PTDSS1: variants seen among roughly 807,000 people sequenced by gnomAD.
PTDSS1 encodes phosphatidylserine synthase 1, also known as PSS-1.
A neutral mutation model predicts 70.5 loss-of-function variants in PTDSS1; 45 were observed. That is an observed-to-expected ratio of 0.64 (90% CI 0.50 to 0.82). PTDSS1 has a LOEUF of 0.82. Ranked by LOEUF, PTDSS1 falls within the 40% of genes least tolerant of loss-of-function variation. The pLI is 0.00. For synonymous variants in PTDSS1, 188 were observed against 203.8 expected, an observed-to-expected ratio of 0.92 and a Z score of 0.66; for missense variants, 417 against 586.1, an observed-to-expected ratio of 0.71 and a Z score of 2.98.
Position 96,284,108 on chromosome 8 carries a change from G to A in PTDSS1, c.272-1G>A. The A allele has an allele frequency of 3.1e-6, 5 of 1,608,332 alleles. No homozygotes were observed. The highest frequency in any genetic ancestry group is 4.3e-6 in the Non-Finnish European group (5 of 1,175,506). ...AACTTTATAATGTTATTTATCTGCA[G>A]GTCCGTTCACTCGACCTCATCCAGC... On this transcript the variant is annotated splice_acceptor_variant, in intron 2 of 12. Transcript: ENST00000517309. LOFTEE classifies it high-confidence loss of function.
chr8:96,277,925 G>A (rs750120779), intron 2 of PTDSS1, among the ~76,000 whole-genome samples: 18 of 152,220 alleles, frequency 1.2e-4, no homozygotes, highest in African/African-American at 4.1e-4. Flanking sequence ...AAGGAAATTC[G>A]TTATTTTCTT....
chr8:96,261,939 C>G lies in PTDSS1; in HGVS notation c.-102C>G, dbSNP rs569060519. On this transcript the variant is annotated 5_prime_UTR_variant, in exon 1 of 13. Transcript: ENST00000517309. ...AGCCTTTGCTGGGCGCCAGACCCGG[C>G]TTTGCCGTCCGGCTATTAGCCTACT... The G allele has an allele frequency of 7.1e-5, 91 of 1,282,066 alleles. No homozygotes were observed. The highest frequency in any genetic ancestry group is 9.5e-5 in the Non-Finnish European group (89 of 939,714). The allele number at this position is 1,282,066 out of a possible 1,614,324, so 79.4% of individuals were successfully genotyped here.
intron 10 of PTDSS1, among the ~76,000 whole-genome samples, chr8:96,329,918 G>A (rs772425388): frequency 1.6e-4 from 24 of 152,162 alleles, no homozygotes; most frequent in Admixed American, 3.9e-4. Context: ...AACAGAACCC[G>A]CAAAGCTATC....
Position 96,320,348 on chromosome 8 carries a change from A to G in PTDSS1, c.1173+3A>G. 2 of 1,594,388 alleles carry G rather than the reference A, an allele frequency of 1.3e-6. No homozygotes were observed. Among genetic ancestry groups the G allele is most frequent in the East Asian group, 4.5e-5 (2 of 44,782 alleles). ...TTGTGCTTTGGCTTCTTTGCGTGGT[A>G]AGTCACTGCATTTTACCCAAAGGCA... On this transcript the variant is annotated splice_donor_region_variant and intron_variant, in intron 10 of 12. Transcript: ENST00000517309.
chr8:96,313,102 G>A (rs1811235463), intron 9 of PTDSS1, among the ~76,000 whole-genome samples: 1 of 152,094 alleles, frequency 6.6e-6, no homozygotes, highest in Admixed American at 6.6e-5. Context: ...ACCCGCCTGG[G>A]GTTCTTTCCC....
chr8:96,289,840 T>A (rs1453706914), intron 4 of PTDSS1, among the ~76,000 whole-genome samples: 1 of 152,200 alleles, frequency 6.6e-6, no homozygotes. Flanking sequence ...AAAATAAGAA[T>A]GCCAGAAATT....
rs1231129731 is a variant in PTDSS1 at position 96,262,280 on chromosome 8, G to C, written c.179+61G>C. On this transcript the variant is annotated intron_variant, in intron 1 of 12. Transcript: ENST00000517309. The surrounding 1 kb of genome is among the most constrained non-coding windows in gnomAD (Gnocchi z 4.4). Reference sequence around the variant, plus strand: ...GGGCTAGGGAAGAGGCGGGAGGGAGGGTGGCGGGGAGGGGGGCCCGGCATG... The same window carrying C: ...GGGCTAGGGAAGAGGCGGGAGGGAGCGTGGCGGGGAGGGGGGCCCGGCATG... The C allele has an allele frequency of 6.7e-7, 1 of 1,500,508 alleles. No individual in the cohort carries two copies. Among genetic ancestry groups the C allele is most frequent in the Non-Finnish European group, 9.1e-7 (1 of 1,096,112 alleles). 92.9% of individuals were successfully genotyped at this position (1,500,508 alleles called of 1,614,324 possible). A position where few individuals can be genotyped will look rare whatever the true frequency, so the allele number is the denominator to read the frequency against.
At chr8:96,283,040 A>G (rs956503581) in intron 2 of PTDSS1, among the ~76,000 whole-genome samples, 14 of 152,192 alleles carry the variant, frequency 9.2e-5, no homozygotes, top group Non-Finnish European at 1.6e-4. Flanking sequence ...CACTTCTGCA[A>G]TGGATTCTAA....
At chr8:96,300,679 A>AT in intron 6 of PTDSS1, among the ~76,000 whole-genome samples, 1 of 152,326 alleles carries the variant, frequency 6.6e-6, no homozygotes, top group Admixed American at 6.5e-5. Context: ...ACAAAATAGC[A>AT]TTTTCCCACA....
chr8:96,301,373 G>A (rs1022671563), intron 6 of PTDSS1, among the ~76,000 whole-genome samples: 2 of 152,158 alleles, frequency 1.3e-5, no homozygotes, highest in African/African-American at 4.8e-5. Context: ...GGGATTACAG[G>A]CGTGAGCCAC....
chr8:96,304,345 G>T (rs1811094620), intron 7 of PTDSS1, among the ~76,000 whole-genome samples, 164 bp downstream of exon 7: 1 of 152,220 alleles, frequency 6.6e-6, no homozygotes, highest in African/African-American at 2.4e-5. Context: ...AAGTGATGTT[G>T]TTATGCCTAA....
At chr8:96,280,382 C>G (rs1345739712) in intron 2 of PTDSS1, among the ~76,000 whole-genome samples, 2 of 151,804 alleles carry the variant, frequency 1.3e-5, no homozygotes, top group East Asian at 3.9e-4. Flanking sequence ...ATTAGCTGGG[C>G]GTGGTGGCAC....
intron 1 of PTDSS1, among the ~76,000 whole-genome samples, chr8:96,273,085 T>C (rs1448058009): frequency 6.6e-6 from 1 of 152,222 alleles, no homozygotes; most frequent in Non-Finnish European, 1.5e-5. Flanking sequence ...GTCTGTGAAA[T>C]TAACAGTCAG....
chr8:96,273,145 T>C (rs1810589871), intron 1 of PTDSS1, among the ~76,000 whole-genome samples, 154 bp from the exon 2 acceptor site: 1 of 152,230 alleles, frequency 6.6e-6, no homozygotes, highest in Non-Finnish European at 1.5e-5. Flanking sequence ...AGAATTATTG[T>C]ATGATCTGTA....
intron 10 of PTDSS1, among the ~76,000 whole-genome samples, chr8:96,326,555 C>A (rs914113862): frequency 6.6e-6 from 1 of 152,170 alleles, no homozygotes; most frequent in Non-Finnish European, 1.5e-5. Flanking sequence ...GGGGGGCAAA[C>A]ATACAAAGAC....
chr8:96,272,971 A>T (rs1351797455), intron 1 of PTDSS1, among the ~76,000 whole-genome samples: 3 of 152,200 alleles, frequency 2.0e-5, no homozygotes, highest in Non-Finnish European at 4.4e-5. Context: ...TGAGGGCCAC[A>T]TTTATAACCT....
chr8:96,332,999 C>T (rs1452040617), intron 12 of PTDSS1, among the ~76,000 whole-genome samples: 1 of 152,224 alleles, frequency 6.6e-6, no homozygotes, highest in Non-Finnish European at 1.5e-5. Context: ...TGTGAAATAG[C>T]TCTGATTTTA....
chr8:96,326,692 C>G (rs1442814351), intron 10 of PTDSS1, among the ~76,000 whole-genome samples: 2 of 152,196 alleles, frequency 1.3e-5, no homozygotes, highest in East Asian at 3.9e-4. Context: ...GCTGTAGTTG[C>G]AGCCCCAGCA....
intron 10 of PTDSS1, among the ~76,000 whole-genome samples, chr8:96,323,456 C>G (rs999676726): frequency 3.9e-5 from 6 of 152,188 alleles, no homozygotes; most frequent in African/African-American, 1.4e-4. Context: ...TGCATACCTG[C>G]AGAATTAACA....
Sources: allele counts gnomAD v4.1 joint callset (sites outside exome capture counted in the v4.1 genomes callset), GRCh38; gene constraint gnomAD v4.1.1; non-coding constraint Gnocchi (gnomAD v3.1); transcripts MANE v1.5; gene names NCBI Gene and HGNC (gene_info 2026-07-23, HGNC 2026-07-21).